The following SKAP1 variants were observed in gnomAD, a reference collection of about 807,000 sequenced individuals.
The protein encoded by SKAP1 is src kinase associated phosphoprotein 1.
Under a neutral mutation model 58.5 loss-of-function variants are expected in SKAP1, and 44 were observed. The ratio of observed to expected loss-of-function variants is 0.75; its 90% CI spans 0.59 to 0.97. SKAP1 has a LOEUF of 0.97. Among genes scored for constraint, SKAP1 ranks in the 50% least tolerant of loss-of-function variants. The pLI is 0.00. For missense variants in SKAP1, 390 were observed against 435.2 expected (o/e 0.90, Z 0.92); for synonymous variants, 127 against 149.7 (o/e 0.85, Z 1.11).
intron 11 of SKAP1, among the ~76,000 whole-genome samples, chr17:48,154,607 T>C (rs2063947656): frequency 6.6e-6 from 1 of 152,206 alleles, no homozygotes; most frequent in South Asian, 2.1e-4. Flanking sequence ...TCAGTTTACC[T>C]TAAATGGAAG....
chr17:48,316,239 T>C (rs1480665971), intron 4 of SKAP1, among the ~76,000 whole-genome samples: 2 of 152,212 alleles, frequency 1.3e-5, no homozygotes, highest in Admixed American at 1.3e-4. Context: ...TTTCTGTCTC[T>C]TCAATCTCAT....
intron 4 of SKAP1, among the ~76,000 whole-genome samples, chr17:48,205,907 T>C (rs891193305): frequency 1.3e-5 from 2 of 151,936 alleles, no homozygotes; most frequent in African/African-American, 4.8e-5. Flanking sequence ...GCCACCACAA[T>C]ATGTGCTCCA....
intron 4 of SKAP1, among the ~76,000 whole-genome samples, chr17:48,313,359 T>A (rs1235807682): frequency 1.3e-5 from 2 of 152,178 alleles, no homozygotes; most frequent in Admixed American, 6.5e-5. Context: ...AGGTGAAGGC[T>A]AAATGTGTGA....
At chr17:48,224,064 GGAGAA>G (rs2065038466) in intron 4 of SKAP1, among the ~76,000 whole-genome samples, 1 of 55,546 alleles carries the variant, frequency 1.8e-5, no homozygotes, top group African/African-American at 7.0e-5. Flanking sequence ...AGGAGGAGGA[GGAGAA>G]GGAGGAGGAG....
At chr17:48,391,407 C>G (rs757217782) in intron 2 of SKAP1, among the ~76,000 whole-genome samples, 1 of 152,024 alleles carries the variant, frequency 6.6e-6, no homozygotes, top group Non-Finnish European at 1.5e-5. Flanking sequence ...AAAGTTAAGC[C>G]AAGAGATCAA....
chr17:48,220,872 A>AG (rs1403634967), intron 4 of SKAP1, among the ~76,000 whole-genome samples: 6 of 120,154 alleles, frequency 5.0e-5, no homozygotes, highest in African/African-American at 1.6e-4. Flanking sequence ...AAAAAAAAAA[A>AG]AAAAAGAAAA....
chr17:48,350,487 G>A (rs1405817512), intron 3 of SKAP1, among the ~76,000 whole-genome samples: 3 of 152,074 alleles, frequency 2.0e-5, no homozygotes, highest in Non-Finnish European at 4.4e-5. Context: ...CCTGAGTTTC[G>A]GGTTTGAGAC....
At chr17:48,202,674 T>A (rs2064744027) in intron 4 of SKAP1, among the ~76,000 whole-genome samples, 1 of 152,078 alleles carries the variant, frequency 6.6e-6, no homozygotes, top group South Asian at 2.1e-4. Context: ...AAACCCAAAA[T>A]TTTCCAACCA....
At chr17:48,305,164 G>T (rs998744015) in intron 4 of SKAP1, among the ~76,000 whole-genome samples, 1 of 152,048 alleles carries the variant, frequency 6.6e-6, no homozygotes, top group East Asian at 1.9e-4. Flanking sequence ...TCAAGTTTTT[G>T]TTGTTGTTGT....
chr17:48,137,716 G>A (rs1381708766), intron 11 of SKAP1, among the ~76,000 whole-genome samples: 9 of 152,262 alleles, frequency 5.9e-5, no homozygotes, highest in African/African-American at 2.2e-4. Flanking sequence ...TATTTATCAA[G>A]CATCTTCTAT....
intron 11 of SKAP1, among the ~76,000 whole-genome samples, chr17:48,145,922 T>C (rs35177469): frequency 0.023 from 3,569 of 152,182 alleles, 150 homozygotes; most frequent in African/African-American, 0.082. Context: ...AACCAGAGTC[T>C]GTGAACCCCT....
At chr17:48,249,884 T>C (rs1733524634) in intron 4 of SKAP1, among the ~76,000 whole-genome samples, 1 of 151,918 alleles carries the variant, frequency 6.6e-6, no homozygotes, top group Admixed American at 6.5e-5. Flanking sequence ...ACAGCACTGA[T>C]AGGGAGCCAT....
intron 3 of SKAP1, among the ~76,000 whole-genome samples, chr17:48,350,980 G>A (rs1389852174): frequency 2.6e-5 from 4 of 152,104 alleles, no homozygotes; most frequent in African/African-American, 9.7e-5. Context: ...TTTCATGCTT[G>A]ATAGCATTAA....
rs116419751 is a variant in SKAP1 at position 48,345,965 on chromosome 17, C to G, written c.220G>C (p.Gly74Arg). Residue 74 changes from glycine (G) to arginine (R), a missense_variant, in exon 4 of 13, where the codon GGG becomes CGG. Gly to Arg is a moderately radical substitution (Grantham distance 125, BLOSUM62 -2). Transcript: ENST00000336915. Reference sequence around the variant, plus strand: ...GATGTGAGGGACAGGCCAAGAGTCCCGCTGTGATTATCATCAGAGCTGTCC... The same window carrying G: ...GATGTGAGGGACAGGCCAAGAGTCCGGCTGTGATTATCATCAGAGCTGTCC... ...GQDSSDDNHS[G>R]TLGLSLTSDA... 173 of 1,613,416 alleles carry G rather than the reference C, an allele frequency of 1.1e-4. No individual in the cohort carries two copies. The highest frequency in any genetic ancestry group is 1.4e-4 in the Non-Finnish European group (168 of 1,179,732).
intron 1 of SKAP1, among the ~76,000 whole-genome samples, chr17:48,404,711 A>G (rs1250271990): frequency 2.0e-5 from 3 of 152,106 alleles, no homozygotes; most frequent in African/African-American, 7.2e-5. Flanking sequence ...AGAAAAAAGA[A>G]AAGCAAAATA....
chr17:48,396,830 G>A, intron 1 of SKAP1, 45 bp from the exon 2 acceptor site: 1 of 1,415,036 alleles, frequency 7.1e-7, no homozygotes, highest in South Asian at 1.2e-5. Flanking sequence ...ATGTACTAAG[G>A]GAGAAAGGAA....
intron 9 of SKAP1, among the ~76,000 whole-genome samples, chr17:48,174,356 G>T (rs1007062094): frequency 6.6e-6 from 1 of 152,180 alleles, no homozygotes; most frequent in African/African-American, 2.4e-5. Context: ...TGGAAGACTG[G>T]GTAGGGGGCA....
chr17:48,340,748 A>G (rs962283334), intron 4 of SKAP1, among the ~76,000 whole-genome samples: 2 of 152,234 alleles, frequency 1.3e-5, no homozygotes, highest in African/African-American at 4.8e-5. Flanking sequence ...TGTAAGTTAA[A>G]AAGAATATCA....
At chr17:48,440,835 C>T in the SKAP1 span, among the ~76,000 whole-genome samples, 2 of 152,180 alleles carry the variant, frequency 1.3e-5, no homozygotes, top group Non-Finnish European at 2.9e-5. Context: ...AACCAGGATG[C>T]ATTTTTTCTA....
Sources: gnomAD v4.1 joint callset for allele counts (sites outside exome capture counted in the v4.1 genomes callset) on GRCh38, gnomAD v4.1.1 for gene constraint, MANE v1.5 for transcripts, NCBI Gene and HGNC (gene_info 2026-07-23, HGNC 2026-07-21) for gene names.